The following BTBD9 variants were observed in gnomAD, a reference collection of about 807,000 sequenced individuals.
BTBD9 encodes BTB domain containing 9, also known as BTB/POZ domain-containing protein 9.
In BTBD9, 49 loss-of-function variants were observed where a neutral mutation model predicts 64.3. The ratio of observed to expected loss-of-function variants is 0.76; its 90% CI spans 0.61 to 0.97. BTBD9 has a LOEUF of 0.97. Among genes scored for constraint, BTBD9 ranks in the 50% least tolerant of loss-of-function variants. The pLI, the probability that BTBD9 is intolerant of heterozygous loss-of-function variation, is 0.00. For synonymous variants in BTBD9, 260 were observed against 274.7 expected (o/e 0.95, Z 0.53); for missense variants, 598 against 762.1 (o/e 0.78, Z 2.53).
intron 7 of BTBD9, among the ~76,000 whole-genome samples, chr6:38,334,837 T>C (rs1375309578): frequency 6.6e-6 from 1 of 151,750 alleles, no homozygotes; most frequent in Non-Finnish European, 1.5e-5. Flanking sequence ...GTAAAAATTT[T>C]TTTCCCGGCA....
Position 38,511,102 on chromosome 6 carries a change from T to C in BTBD9, c.1154+66498A>G, listed in dbSNP as rs113135571. Reference sequence around the variant, plus strand: ...CTATGACATCACTAGGAGTTAGGGATTTCTCAGCTCCTTTATGGGATCACT... The same window carrying C: ...CTATGACATCACTAGGAGTTAGGGACTTCTCAGCTCCTTTATGGGATCACT... On this transcript the variant is annotated intron_variant, in intron 6 of 10. Coordinates refer to ENST00000481247, the MANE Select transcript of BTBD9 (RefSeq NM_001099272.2). Among the ~76,000 whole-genome samples the C allele has an allele frequency of 3.3e-3, 507 of 152,220 alleles. 3 individuals carry two copies. Among genetic ancestry groups the C allele is most frequent in the African/African-American group, 0.011 (462 of 41,526 alleles).
chr6:38,456,115 G>A (rs1307752964), intron 6 of BTBD9, among the ~76,000 whole-genome samples: 1 of 152,000 alleles, frequency 6.6e-6, no homozygotes, highest in East Asian at 1.9e-4. Context: ...AGCCTCCTGA[G>A]TAGCTGGGAT....
chr6:38,394,039 CA>C (rs1231807941), intron 6 of BTBD9, among the ~76,000 whole-genome samples: 8 of 152,176 alleles, frequency 5.3e-5, no homozygotes, highest in Non-Finnish European at 8.8e-5. Flanking sequence ...TCCATCCACT[CA>C]CCCATCTATA....
At chr6:38,273,694 C>T (rs1310999378) in intron 8 of BTBD9, among the ~76,000 whole-genome samples, 1 of 152,118 alleles carries the variant, frequency 6.6e-6, no homozygotes, top group African/African-American at 2.4e-5. Flanking sequence ...CACTGAGCTG[C>T]CCCTGAGCTG....
At chr6:38,462,596 A>G (rs1770151891) in intron 6 of BTBD9, among the ~76,000 whole-genome samples, 1 of 152,044 alleles carries the variant, frequency 6.6e-6, no homozygotes, top group African/African-American at 2.4e-5. Context: ...TTTTTTTCAA[A>G]TCCGTTTTGA....
intron 7 of BTBD9, among the ~76,000 whole-genome samples, chr6:38,303,874 T>TATATATATATATACACAC (rs368257334): frequency 4.8e-5 from 4 of 82,650 alleles, no homozygotes; most frequent in African/African-American, 1.4e-4. Context: ...TATATATATA[T>TATATATATATATACACAC]ACACACACAC....
intron 6 of BTBD9, among the ~76,000 whole-genome samples, chr6:38,346,961 A>G (rs551965251): frequency 6.6e-6 from 1 of 152,272 alleles, no homozygotes; most frequent in African/African-American, 2.4e-5. Context: ...CAGCTCTCCT[A>G]CTGTGCACAG....
At chr6:38,326,368 G>A (rs1449753018) in intron 7 of BTBD9, among the ~76,000 whole-genome samples, 1 of 152,210 alleles carries the variant, frequency 6.6e-6, no homozygotes, top group Non-Finnish European at 1.5e-5. Flanking sequence ...GCGCCATGGT[G>A]AAGATTTTGA....
intron 6 of BTBD9, among the ~76,000 whole-genome samples, chr6:38,534,363 C>A (rs1773922772): frequency 6.6e-6 from 1 of 151,234 alleles, no homozygotes; most frequent in South Asian, 2.1e-4. Flanking sequence ...GTAATGCAAT[C>A]AAACCCATTA....
intron 9 of BTBD9, among the ~76,000 whole-genome samples, chr6:38,203,730 GATGCCA>G (rs1325413819): frequency 3.3e-5 from 5 of 151,910 alleles, no homozygotes; most frequent in Non-Finnish European, 5.9e-5. Flanking sequence ...CAGAATGATA[GATGCCA>G]AAGGGTGGGA....
intron 8 of BTBD9, among the ~76,000 whole-genome samples, chr6:38,258,072 G>A (rs551986793): frequency 6.5e-4 from 98 of 151,786 alleles, no homozygotes; most frequent in African/African-American, 2.1e-3. Flanking sequence ...TGCAACCTCC[G>A]CCTCCCGGGT....
chr6:38,462,311 T>A (rs1372483194), intron 6 of BTBD9, among the ~76,000 whole-genome samples: 2 of 152,224 alleles, frequency 1.3e-5, no homozygotes, highest in Admixed American at 1.3e-4. Flanking sequence ...TACATTTAGA[T>A]CGATAATCCA....
At chr6:38,383,110 CA>C (rs1367147500) in intron 6 of BTBD9, among the ~76,000 whole-genome samples, 3 of 152,050 alleles carry the variant, frequency 2.0e-5, no homozygotes, top group African/African-American at 7.2e-5. Context: ...AACACAAATG[CA>C]AAATCCTAGA....
chr6:38,523,817 A>C (rs1399221136), intron 6 of BTBD9, among the ~76,000 whole-genome samples: 2 of 152,172 alleles, frequency 1.3e-5, no homozygotes, highest in Admixed American at 1.3e-4. Flanking sequence ...ACAGATGGGG[A>C]AACAGAGGCA....
chr6:38,325,834 G>T (rs1294294843), intron 7 of BTBD9, among the ~76,000 whole-genome samples: 1 of 152,202 alleles, frequency 6.6e-6, no homozygotes, highest in African/African-American at 2.4e-5. Context: ...GATTTGGGTT[G>T]ATCTTCTGGT....
At chr6:38,639,130 A>G (rs779600421) in intron 1 of BTBD9, among the ~76,000 whole-genome samples, 4 of 152,248 alleles carry the variant, frequency 2.6e-5, no homozygotes, top group South Asian at 2.1e-4. Context: ...AACTAAGTCT[A>G]TGAGGAAGTA....
At position 38,522,922 on chromosome 6, in the gene BTBD9, C is replaced by T. The variant is rs373381896; in HGVS notation, c.1154+54678G>A. On this transcript the variant is annotated intron_variant, in intron 6 of 10. Transcript: ENST00000481247. ...TCAGGGCTGGGCACAGTGGTTCATG[C>T]CTGTAATCCCAGCACTTTGGGAAGC... Among the ~76,000 whole-genome samples, 7 of 152,284 alleles carry T rather than the reference C, an allele frequency of 4.6e-5. No homozygotes were observed. The East Asian group carries it at 1.4e-3, about 29-fold the overall frequency.
At chr6:38,306,205 G>C (rs1405503569) in intron 7 of BTBD9, among the ~76,000 whole-genome samples, 1 of 152,228 alleles carries the variant, frequency 6.6e-6, no homozygotes, top group African/African-American at 2.4e-5. Context: ...GGATGGGACT[G>C]AGCTTTCTGC....
At position 38,548,238 on chromosome 6, in the gene BTBD9, C is replaced by T. The variant is rs144395649; in HGVS notation, c.1154+29362G>A. Among the ~76,000 whole-genome samples, 4 of 152,294 alleles carry T rather than the reference C, an allele frequency of 2.6e-5. No individual in the cohort carries two copies. The East Asian group carries it at 7.7e-4, about 29-fold the overall frequency. Reference sequence around the variant, plus strand: ...GGATTACTTCAATTTCACTCATTTTCACTCCACCAAAATGGTACAGATTTT... The same window carrying T: ...GGATTACTTCAATTTCACTCATTTTTACTCCACCAAAATGGTACAGATTTT... On this transcript the variant is annotated intron_variant, in intron 6 of 10. Coordinates refer to ENST00000481247, the MANE Select transcript of BTBD9 (RefSeq NM_001099272.2).
Sources: allele counts gnomAD v4.1 joint callset (sites outside exome capture counted in the v4.1 genomes callset), GRCh38; gene constraint gnomAD v4.1.1; transcripts MANE v1.5; gene names NCBI Gene and HGNC (gene_info 2026-07-23, HGNC 2026-07-21).